Variants in SLC14A2 observed in about 807,000 individuals in gnomAD.
SLC14A2 encodes urea transporter 2.
In SLC14A2, 91 loss-of-function variants were observed where a neutral mutation model predicts 104.6. The ratio of observed to expected loss-of-function variants is 0.87; its 90% CI spans 0.73 to 1.04. The LOEUF (loss-of-function observed/expected upper bound fraction) is 1.04, where lower values mean the gene tolerates loss of function less well. Ranked by LOEUF, SLC14A2 falls within the 50% of genes least tolerant of loss-of-function variation. The probability of loss-of-function intolerance (pLI) is 0.00; values close to 1 mark genes in which losing one functional copy is unlikely to be tolerated. For synonymous variants in SLC14A2, 476 were observed against 466.4 expected (o/e 1.02, Z -0.27); for missense variants, 1,189 against 1,156.0 (o/e 1.03, Z -0.41).
intron 6 of SLC14A2, among the ~76,000 whole-genome samples, chr18:45,637,685 T>A (rs2045444346): frequency 1.3e-5 from 2 of 152,166 alleles, no homozygotes; most frequent in African/African-American, 2.4e-5. Flanking sequence ...TTGGAGACAT[T>A]AGGCAATGTC....
chr18:45,516,768 T>C (rs2043447323), intron 2 of SLC14A2, among the ~76,000 whole-genome samples: 2 of 152,320 alleles, frequency 1.3e-5, no homozygotes, highest in East Asian at 3.9e-4. Context: ...TAAGTAAAGA[T>C]GGGAGAAGTA....
chr18:45,306,085 C>T (rs886229330), intron 1 of SLC14A2, among the ~76,000 whole-genome samples: 10 of 152,122 alleles, frequency 6.6e-5, no homozygotes, highest in African/African-American at 7.2e-5. Context: ...AGAACAGCCG[C>T]GTCTTCCTTT....
At chr18:45,626,426 C>A (rs886504743) in intron 3 of SLC14A2, among the ~76,000 whole-genome samples, 1 of 152,124 alleles carries the variant, frequency 6.6e-6, no homozygotes, top group African/African-American at 2.4e-5. Context: ...AGAATGTACG[C>A]CCCTCTCCTA....
chr18:45,624,778 C>A lies in SLC14A2; in HGVS notation c.114C>A (p.His38Gln). Residue 38 changes from histidine (H) to glutamine (Q), a missense_variant, in exon 2 of 20, where the codon CAC becomes CAA. Transcript: ENST00000255226. The stretch of plus-strand genomic sequence containing the variant: ...GGCCCTCGACATCCCCGGATACTCA[C>A]CCAGCTCTGCCCCTCCTGGAAATGC... ...PSWPSTSPDTHPALPLLEMPE... is the reference protein window; with the variant it reads ...PSWPSTSPDTQPALPLLEMPE... The A allele has an allele frequency of 1.2e-6, 2 of 1,612,476 alleles. No individual in the cohort carries two copies. The highest frequency in any genetic ancestry group is 1.7e-6 in the Non-Finnish European group (2 of 1,179,356).
At chr18:45,414,816 C>T (rs1236565642) in intron 1 of SLC14A2, among the ~76,000 whole-genome samples, 2 of 129,764 alleles carry the variant, frequency 1.5e-5, no homozygotes, top group Non-Finnish European at 3.2e-5. Context: ...AGTTCATGCC[C>T]TCAAGGATCT....
At chr18:45,640,384 G>A (rs1036347072) in intron 7 of SLC14A2, among the ~76,000 whole-genome samples, 3 of 152,122 alleles carry the variant, frequency 2.0e-5, no homozygotes, top group African/African-American at 7.2e-5. Context: ...GGGTAGGGGC[G>A]GGAGCAGTAA....
At chr18:45,168,920 G>A in the SLC14A2 span, 15 of 152,246 alleles carry the variant, frequency 9.9e-5, no homozygotes, top group African/African-American at 3.6e-4. Flanking sequence ...TGCATAAAGG[G>A]TGTTTTATGG....
chr18:45,639,979 T>C (rs923528364), intron 7 of SLC14A2, 86 bp downstream of exon 7: 1 of 1,253,184 alleles, frequency 8.0e-7, no homozygotes, highest in African/African-American at 1.5e-5. Context: ...CTTCCAGACA[T>C]TCTCTTCCCT....
rs2084556119 is a variant in SLC14A2, at chr18:45,263,098, G to A, written c.-125+49907G>A. On this transcript the variant is annotated intron_variant, in intron 1 of 20. Transcript: ENST00000586448. ...TTTTCTGTTTCAGAATCTAATCCAG[G>A]GACCTACGTCACATTGAGATCTCAT... 2.0e-5 allele frequency among the ~76,000 whole-genome samples: 3 copies of A among 152,064 alleles called. No homozygotes were observed. In the South Asian group the frequency reaches 6.2e-4, roughly 32 times the overall value.
intron 1 of SLC14A2, among the ~76,000 whole-genome samples, chr18:45,308,811 A>G (rs139983926): frequency 0.012 from 1,847 of 152,342 alleles, 38 homozygotes; most frequent in African/African-American, 0.043. Context: ...GAACATAACA[A>G]AAACACAATG....
At position 45,643,157 on chromosome 18, in the gene SLC14A2, A is replaced by G. The variant is rs2045558774; in HGVS notation, c.1152A>G (p.Ala384=). 6.2e-7 allele frequency: 1 copy of G among 1,614,074 alleles called. No individual in the cohort carries two copies. The highest frequency in any genetic ancestry group is 8.5e-7 in the Non-Finnish European group (1 of 1,180,006). ...ICALFCAYME[A]AISNIMSVVG... ...CCCTGTTCTGTGCATACATGGAAGC[A>G]GCCATCTCCAACATCATGTCAGTGG... Residue 384 remains alanine, a synonymous_variant, in exon 9 of 20, where the codon GCA becomes GCG. Transcript: ENST00000255226.
At chr18:45,372,418 T>C (rs1488257228) in intron 1 of SLC14A2, among the ~76,000 whole-genome samples, 1 of 152,068 alleles carries the variant, frequency 6.6e-6, no homozygotes, top group African/African-American at 2.4e-5. Context: ...TCTGGAAACA[T>C]CTAACATAGC....
intron 1 of SLC14A2, among the ~76,000 whole-genome samples, chr18:45,457,516 C>T (rs920288854): frequency 6.6e-6 from 1 of 152,052 alleles, no homozygotes; most frequent in African/African-American, 2.4e-5. Context: ...ATAAAAGTGG[C>T]GAGGCTTGCT....
intron 2 of SLC14A2, among the ~76,000 whole-genome samples, chr18:45,561,134 C>CT (rs2044195774): frequency 6.6e-6 from 1 of 152,150 alleles, no homozygotes; most frequent in Non-Finnish European, 1.5e-5. Context: ...CGGGAGGCCA[C>CT]TGTCACCAGC....
chr18:45,331,194 C>T (rs2085286246), intron 1 of SLC14A2, among the ~76,000 whole-genome samples: 1 of 152,190 alleles, frequency 6.6e-6, no homozygotes, highest in Non-Finnish European at 1.5e-5. Flanking sequence ...GGACATCTAA[C>T]TCCCTTTGTC....
chr18:45,579,313 T>C (rs1233553467), intron 2 of SLC14A2, among the ~76,000 whole-genome samples: 1 of 152,178 alleles, frequency 6.6e-6, no homozygotes, highest in South Asian at 2.1e-4. Context: ...ATGGGGAGGT[T>C]ATGAAGATCA....
chr18:45,675,711 T>TATATATA lies in SLC14A2; in HGVS notation c.2512+1894_2512+1895insATATATA, dbSNP rs1568006254. On this transcript the variant is annotated intron_variant, in intron 18 of 19. Coordinates refer to ENST00000255226, the MANE Select transcript of SLC14A2 (RefSeq NM_007163.4). ...TATATATATATATATATATATATAT[T>TATATATA]TTTTTTTTTTTTTTTTTTGGAGAGA... Among the ~76,000 whole-genome samples the TATATATA allele has an allele frequency of 7.3e-4, 36 of 49,310 alleles. 1 individual carries two copies. The highest frequency in any genetic ancestry group is 2.0e-3 in the African/African-American group (30 of 14,834). 32.3% of individuals were successfully genotyped at this position (49,310 alleles called of 152,430 possible). A position where few individuals can be genotyped will look rare whatever the true frequency, so the allele number is the denominator to read the frequency against.
chr18:45,658,619 G>A (rs1599135808), intron 10 of SLC14A2, among the ~76,000 whole-genome samples: 1 of 152,042 alleles, frequency 6.6e-6, no homozygotes, highest in Non-Finnish European at 1.5e-5. Flanking sequence ...CACAGAAAGT[G>A]TAGAGGCATG....
At chr18:45,678,160 A>G (rs2046256659) in intron 18 of SLC14A2, among the ~76,000 whole-genome samples, 1 of 151,978 alleles carries the variant, frequency 6.6e-6, no homozygotes, top group Non-Finnish European at 1.5e-5. Context: ...TCCACCTTGA[A>G]TCTCCCCTCC....
Sources: allele counts gnomAD v4.1 joint callset (sites outside exome capture counted in the v4.1 genomes callset), GRCh38; gene constraint gnomAD v4.1.1; transcripts MANE v1.5; gene names NCBI Gene and HGNC (gene_info 2026-07-23, HGNC 2026-07-21).